ZNF148: variants seen among roughly 807,000 people sequenced by gnomAD.
ZNF148 encodes Beta-Enolase Repressor Factor-1.
In ZNF148, 7 loss-of-function variants were observed where a neutral mutation model predicts 67.7. The observed-to-expected ratio is 0.10, with a 90% CI of 0.06 to 0.19. The LOEUF (loss-of-function observed/expected upper bound fraction) is 0.19, where lower values mean the gene tolerates loss of function less well. Among genes scored for constraint, ZNF148 ranks in the 10% least tolerant of loss-of-function variants. The pLI, the probability that ZNF148 is intolerant of heterozygous loss-of-function variation, is 1.00. For synonymous variants in ZNF148, 333 were observed against 330.7 expected, an observed-to-expected ratio of 1.01 and a Z score of -0.08; for missense variants, 583 against 947.1, an observed-to-expected ratio of 0.62 and a Z score of 5.05.
chr3:125,325,021 C>T (rs951622586), intron 2 of ZNF148, among the ~76,000 whole-genome samples: 3 of 152,086 alleles, frequency 2.0e-5, no homozygotes, highest in East Asian at 3.9e-4. Flanking sequence ...AGGGGAGGGG[C>T]TCATCACAAT....
At chr3:125,323,661 T>A (rs751460860) in intron 2 of ZNF148, among the ~76,000 whole-genome samples, 3 of 152,060 alleles carry the variant, frequency 2.0e-5, no homozygotes, top group Non-Finnish European at 2.9e-5. Context: ...AAACTTGGCC[T>A]TATAAAGAAC....
At chr3:125,343,535 C>T (rs912153032) in intron 1 of ZNF148, among the ~76,000 whole-genome samples, 6 of 147,914 alleles carry the variant, frequency 4.1e-5, no homozygotes, top group Non-Finnish European at 7.4e-5. Context: ...CCAATCAGCG[C>T]TCTGTAAAAC....
At chr3:125,298,346 T>TAC (rs141809192) in intron 4 of ZNF148, among the ~76,000 whole-genome samples, 1,849 of 145,756 alleles carry the variant, frequency 0.013, 29 homozygotes, top group African/African-American at 0.037. Context: ...TAAATGTGCA[T>TAC]ACACACACAC....
chr3:125,295,545 G>A (rs1939239425), intron 4 of ZNF148, among the ~76,000 whole-genome samples: 2 of 152,056 alleles, frequency 1.3e-5, no homozygotes, highest in African/African-American at 4.8e-5. Context: ...TTAGCTAGGT[G>A]AACTTGGCTT....
At chr3:125,346,657 C>A (rs1412124311) in intron 1 of ZNF148, among the ~76,000 whole-genome samples, 7 of 152,152 alleles carry the variant, frequency 4.6e-5, no homozygotes, top group African/African-American at 1.7e-4. Flanking sequence ...TTATAAGCAA[C>A]TGGCATTTCC....
intron 4 of ZNF148, among the ~76,000 whole-genome samples, chr3:125,293,711 C>A (rs563066406): frequency 6.6e-6 from 1 of 152,010 alleles, no homozygotes; most frequent in Non-Finnish European, 1.5e-5. Context: ...TCCACAGATA[C>A]AAAATGAAAC....
chr3:125,308,234 C>T (rs1368123070), intron 4 of ZNF148, among the ~76,000 whole-genome samples: 2 of 152,142 alleles, frequency 1.3e-5, no homozygotes, highest in Non-Finnish European at 2.9e-5. Context: ...AAAGAATCAA[C>T]TGCATTTCTA....
chr3:125,255,493 TG>T (rs1463053524), intron 7 of ZNF148, among the ~76,000 whole-genome samples: 2 of 152,046 alleles, frequency 1.3e-5, no homozygotes, highest in Non-Finnish European at 2.9e-5. Flanking sequence ...GTGATCCACC[TG>T]CCTCCACCTC....
intron 4 of ZNF148, among the ~76,000 whole-genome samples, chr3:125,302,224 G>C (rs1165969334): frequency 6.7e-6 from 1 of 150,226 alleles, no homozygotes; most frequent in Non-Finnish European, 1.5e-5. Context: ...AAAAAATTGT[G>C]AACATTAGCC....
intron 7 of ZNF148, among the ~76,000 whole-genome samples, chr3:125,263,359 T>G (rs1309137295): frequency 3.3e-5 from 5 of 152,196 alleles, no homozygotes; most frequent in African/African-American, 1.2e-4. Context: ...GAGACCAGCC[T>G]GGCCAACATG....
intron 7 of ZNF148, among the ~76,000 whole-genome samples, chr3:125,268,455 A>G (rs1937589837): frequency 6.6e-6 from 1 of 152,170 alleles, no homozygotes; most frequent in African/African-American, 2.4e-5. Context: ...AAAATAATCA[A>G]TGGGGAAAAG....
chr3:125,269,718 C>T (rs1937633020), intron 7 of ZNF148, among the ~76,000 whole-genome samples: 1 of 152,120 alleles, frequency 6.6e-6, no homozygotes, highest in Non-Finnish European at 1.5e-5. Context: ...TAACCATCAG[C>T]AGTGGACTAG....
At position 125,232,534 on chromosome 3, in the gene ZNF148, T is replaced by C; in HGVS notation, c.2192A>G (p.Gln731Arg). 6.2e-7 allele frequency: 1 copy of C among 1,613,712 alleles called. No homozygotes were observed. Among genetic ancestry groups the C allele is most frequent in the Non-Finnish European group, 8.5e-7 (1 of 1,179,740 alleles). The change falls in exon 9 of 9, where the codon CAG (glutamine) becomes CGG (arginine). Residue 731 changes from glutamine (Q) to arginine (R), a missense_variant. Coordinates refer to ENST00000360647, the MANE Select transcript of ZNF148 (RefSeq NM_021964.3). The surrounding 1 kb of genome is among the most constrained non-coding windows in gnomAD (Gnocchi z 4.2). ...TCCATGATAGGGAGCACGGAAGGGC[T>C]GTTCAAAGGAGCTCATTTGGTAAGC... is the stretch of plus-strand genomic sequence containing the variant. ...HQAYQMSSFE[Q>R]PFRAPYHGSR...
intron 7 of ZNF148, among the ~76,000 whole-genome samples, chr3:125,269,535 GA>G (rs1937626672): frequency 6.6e-6 from 1 of 151,626 alleles, no homozygotes; most frequent in African/African-American, 2.4e-5. Context: ...CAGCGACTGT[GA>G]AAAACAGTCT....
intron 1 of ZNF148, among the ~76,000 whole-genome samples, chr3:125,346,539 G>A (rs1431940241): frequency 6.6e-6 from 1 of 152,060 alleles, no homozygotes; most frequent in African/African-American, 2.4e-5. Flanking sequence ...ATCAAGACAG[G>A]GACCTGTAAT....
intron 7 of ZNF148, among the ~76,000 whole-genome samples, chr3:125,240,984 C>T (rs1454831496): frequency 6.6e-6 from 1 of 150,516 alleles, no homozygotes; most frequent in African/African-American, 2.4e-5. Flanking sequence ...TTTTTTATTC[C>T]TGTCTCTTGT....
At chr3:125,269,396 A>C (rs1328208850) in intron 7 of ZNF148, among the ~76,000 whole-genome samples, 1 of 150,102 alleles carries the variant, frequency 6.7e-6, no homozygotes, top group Admixed American at 6.7e-5. Context: ...AAAAATGAAC[A>C]CCACAATGAG....
intron 7 of ZNF148, among the ~76,000 whole-genome samples, chr3:125,260,768 A>C (rs547651722): frequency 2.6e-5 from 4 of 152,366 alleles, no homozygotes; most frequent in African/African-American, 7.2e-5. Context: ...CATTAAAAGA[A>C]GTCTGAGGTC....
intron 1 of ZNF148, chr3:125,357,083 C>G (rs1366035075): frequency 6.6e-6 from 1 of 152,240 alleles, no homozygotes. Context: ...GGCGGCCCCC[C>G]CGCTGTCTGG....
Sources: allele counts gnomAD v4.1 joint callset (sites outside exome capture counted in the v4.1 genomes callset), GRCh38; gene constraint gnomAD v4.1.1; non-coding constraint Gnocchi (gnomAD v3.1); transcripts MANE v1.5; gene names NCBI Gene and HGNC (gene_info 2026-07-23, HGNC 2026-07-21).